The following PCM1 variants were observed in gnomAD, a reference collection of about 807,000 sequenced individuals.
PCM1 encodes pericentriolar material 1 protein.
In PCM1, 157 loss-of-function variants were observed where a neutral mutation model predicts 241.9. The observed-to-expected ratio is 0.65, with a 90% confidence interval of 0.57 to 0.74. The LOEUF (loss-of-function observed/expected upper bound fraction) is 0.74, where lower values mean the gene tolerates loss of function less well. PCM1 is among the 30% of genes least tolerant of loss of function. PCM1 has a pLI of 0.00. For synonymous variants in PCM1, 1,085 were observed against 784.9 expected, an observed-to-expected ratio of 1.38 and a Z score of -6.39; for missense variants, 3,478 against 2,360.1, an observed-to-expected ratio of 1.47 and a Z score of -9.81.
chr8:18,014,904 C>A, intron 36 of PCM1, 64 bp downstream of exon 36: 1 of 1,390,964 alleles, frequency 7.2e-7, no homozygotes, highest in South Asian at 1.4e-5. Flanking sequence ...TCTTCATTTT[C>A]AGATTAGCAT....
At chr8:17,974,026 T>G (rs1489067686) in intron 23 of PCM1, among the ~76,000 whole-genome samples, 2 of 152,330 alleles carry the variant, frequency 1.3e-5, no homozygotes, top group East Asian at 3.9e-4. Context: ...GCTCCTACCT[T>G]GAACCCCATG....
chr8:18,014,384 T>G (rs897510748), intron 35 of PCM1, among the ~76,000 whole-genome samples, 200 bp from the exon 36 acceptor site: 8 of 115,994 alleles, frequency 6.9e-5, no homozygotes, highest in Non-Finnish European at 1.8e-4. Context: ...ATTTCAGGAA[T>G]CTGAGTCTTA....
chr8:17,988,998 A>G (rs2083531492), intron 26 of PCM1, among the ~76,000 whole-genome samples: 1 of 152,050 alleles, frequency 6.6e-6, no homozygotes, highest in African/African-American at 2.4e-5. Context: ...AAACACTTGC[A>G]CATTAATGTT....
chr8:17,950,754 T>G (rs770549578), intron 8 of PCM1, 30 bp downstream of exon 8: 5 of 1,197,930 alleles, frequency 4.2e-6, no homozygotes, highest in Non-Finnish European at 6.1e-6. Context: ...ATAGTTGAGT[T>G]TAAAAAATCA....
intron 8 of PCM1, 62 bp downstream of exon 8, chr8:17,950,786 A>C (rs749238891): frequency 4.3e-5 from 39 of 911,752 alleles, no homozygotes; most frequent in Non-Finnish European, 6.7e-5. Flanking sequence ...ACAGTGATTC[A>C]GAAACTTCAG....
intron 29 of PCM1, among the ~76,000 whole-genome samples, chr8:17,995,866 T>C (rs1174259731): frequency 6.6e-6 from 1 of 152,204 alleles, no homozygotes; most frequent in African/African-American, 2.4e-5. Context: ...TACTGATTTT[T>C]GTGTGTTGAC....
At chr8:17,956,388 C>A (rs766382499) in intron 10 of PCM1, among the ~76,000 whole-genome samples, 29 of 151,982 alleles carry the variant, frequency 1.9e-4, no homozygotes, top group Non-Finnish European at 2.8e-4. Context: ...CACTTTTGTC[C>A]CTAAAACAGC....
intron 24 of PCM1, among the ~76,000 whole-genome samples, chr8:17,984,377 G>A (rs1008702428): frequency 2.6e-5 from 4 of 152,028 alleles, no homozygotes; most frequent in African/African-American, 9.6e-5. Flanking sequence ...ATTATAATAA[G>A]TGTCATTTTT....
At chr8:17,930,656 A>G (rs1019270081) in intron 2 of PCM1, among the ~76,000 whole-genome samples, 8 of 151,808 alleles carry the variant, frequency 5.3e-5, no homozygotes, top group African/African-American at 1.9e-4. Context: ...AGGCGGGCGG[A>G]TCACGAGGTC....
chr8:17,991,451 T>A (rs1181283994), intron 27 of PCM1, 91 bp from the exon 28 acceptor site: 1 of 1,107,204 alleles, frequency 9.0e-7, no homozygotes, highest in African/African-American at 1.6e-5. Context: ...TCCTCCCTTT[T>A]GTTTGGACAT....
chr8:17,953,253 AT>A, intron 9 of PCM1, 67 bp downstream of exon 9: 2 of 745,848 alleles, frequency 2.7e-6, no homozygotes, highest in South Asian at 2.6e-5. Context: ...CACATAATAA[AT>A]TTAGTATTTG....
intron 29 of PCM1, among the ~76,000 whole-genome samples, chr8:17,998,357 G>A (rs2087787782): frequency 1.3e-5 from 2 of 152,242 alleles, no homozygotes; most frequent in African/African-American, 4.8e-5. Context: ...AGCTTTCCAG[G>A]TATTCAAAGG....
chr8:17,979,501 G>A (rs376403344), intron 23 of PCM1, among the ~76,000 whole-genome samples: 1 of 152,160 alleles, frequency 6.6e-6, no homozygotes, highest in African/African-American at 2.4e-5. Context: ...ATATCCAGTA[G>A]CATGAAAGTG....
intron 36 of PCM1, among the ~76,000 whole-genome samples, chr8:18,022,285 C>G (rs1418690660): frequency 6.6e-6 from 1 of 152,190 alleles, no homozygotes; most frequent in Non-Finnish European, 1.5e-5. Context: ...ACATTTAAAA[C>G]TTTTCTCATT....
chr8:17,962,152 A>G lies in PCM1; in HGVS notation c.2441A>G (p.Asp814Gly). 3 of 1,607,212 alleles carry G rather than the reference A, an allele frequency of 1.9e-6. No individual in the cohort carries two copies. The highest frequency in any genetic ancestry group is 1.7e-6 in the Non-Finnish European group (2 of 1,175,920). ...STSKSVFEPE[D>G]SSIVDNELWS... ...AGCAAATCTGTTTTTGAGCCTGAAGATTCTTCAATAGTAGATAATGAGGTA... is the reference window on the plus strand; with the variant it reads ...AGCAAATCTGTTTTTGAGCCTGAAGGTTCTTCAATAGTAGATAATGAGGTA... Residue 814 changes from aspartate to glycine, a missense_variant, in exon 16 of 39, where the codon GAT becomes GGT. By Grantham distance (94) the Asp-to-Gly change is moderately conservative. Transcript: ENST00000325083.
intron 1 of PCM1, among the ~76,000 whole-genome samples, chr8:17,923,971 G>A (rs2055748044): frequency 6.6e-6 from 1 of 151,536 alleles, no homozygotes; most frequent in Non-Finnish European, 1.5e-5. Context: ...CTACTCCCCA[G>A]GAACTCGCCT....
rs1300443580 is a variant in PCM1, at chr8:17,966,125, A to C, written c.2982A>C (p.Glu994Asp). The change falls in exon 19 of 39, where the codon GAA (glutamate) becomes GAC (aspartate). Residue 994 changes from glutamate (E) to aspartate (D), a missense_variant. Transcript: ENST00000325083. ...GGGTGTCAGAGCTCTCTTACGTAGA[A>C]GAGAAAGAACAATGGCAAGAACAAA... ...LRWVSELSYV[E>D]EKEQWQEQIN... 6.2e-7 allele frequency: 1 copy of C among 1,613,784 alleles called. No individual in the cohort carries two copies. Among genetic ancestry groups the C allele is most frequent in the African/African-American group, 1.3e-5 (1 of 74,940 alleles).
At chr8:17,967,538 C>A (rs913768088) in intron 21 of PCM1, among the ~76,000 whole-genome samples, 2 of 151,698 alleles carry the variant, frequency 1.3e-5, no homozygotes, top group African/African-American at 2.4e-5. Context: ...CAACTCCCGA[C>A]CTCAGGTGAT....
intron 18 of PCM1, among the ~76,000 whole-genome samples, chr8:17,965,114 A>G (rs550505008): frequency 6.6e-6 from 1 of 152,192 alleles, no homozygotes; most frequent in African/African-American, 2.4e-5. Context: ...CTCATTTCTT[A>G]TAAAGGATTC....
Sources: gnomAD v4.1 joint callset for allele counts (sites outside exome capture counted in the v4.1 genomes callset) on GRCh38, gnomAD v4.1.1 for gene constraint, MANE v1.5 for transcripts, NCBI Gene and HGNC (gene_info 2026-07-23, HGNC 2026-07-21) for gene names.